The following PCDHGA3 variants were observed in gnomAD, a reference collection of about 807,000 sequenced individuals.
PCDHGA3 encodes the protein protocadherin gamma subfamily A, 3.
PCDHGA3 carries 40 observed loss-of-function variants against 58.5 expected under a neutral mutation model. The ratio of observed to expected loss-of-function variants is 0.68; its 90% CI spans 0.53 to 0.89. The LOEUF (loss-of-function observed/expected upper bound fraction) is 0.89. PCDHGA3 is among the 40% of genes least tolerant of loss of function. The pLI, the probability that PCDHGA3 is intolerant of heterozygous loss-of-function variation, is 0.00. For missense variants in PCDHGA3, 1,223 were observed against 1,195.9 expected, an observed-to-expected ratio of 1.02 and a Z score of -0.33; for synonymous variants, 530 against 525.7, an observed-to-expected ratio of 1.01 and a Z score of -0.11.
chr5:141,352,902 C>G (rs1561504413), intron 1 of PCDHGA3, among the ~76,000 whole-genome samples: 1 of 152,122 alleles, frequency 6.6e-6, no homozygotes, highest in Non-Finnish European at 1.5e-5. Flanking sequence ...ACAGGAGGAT[C>G]GCTTGAGCCC....
intron 1 of PCDHGA3, chr5:141,409,251 C>T (rs2095247124): frequency 6.2e-7 from 1 of 1,613,922 alleles, no homozygotes; most frequent in Non-Finnish European, 8.5e-7. Context: ...ATAATCATCA[C>T]TTCTCTCTCT....
At chr5:141,357,844 T>G (rs1760744896) in intron 1 of PCDHGA3, 1 of 624,618 alleles carries the variant, frequency 1.6e-6, no homozygotes, top group Non-Finnish European at 2.7e-6. Flanking sequence ...CAGTTGTAGT[T>G]TCAGCCAGAA....
In PCDHGA3 at chr5:141,380,448, A is replaced by G. The variant is rs145941690; in HGVS notation, c.2424+33991A>G. Among the ~76,000 whole-genome samples, 6 of 152,354 alleles carry G rather than the reference A, an allele frequency of 3.9e-5. No homozygotes were observed. The East Asian group carries it at 1.2e-3, about 29-fold the overall frequency. ...TAGACTTTACATAGAATTCTTTTTA[A>G]TGCAACCAAACAAATGGTCAGGATT... On this transcript the variant is annotated intron_variant, in intron 1 of 3. Coordinates refer to ENST00000253812, the MANE Select transcript of PCDHGA3 (RefSeq NM_018916.4).
intron 1 of PCDHGA3, chr5:141,392,652 A>T: frequency 1.4e-6 from 1 of 713,126 alleles, no homozygotes; most frequent in South Asian, 2.2e-5. Flanking sequence ...GAAGACCCGC[A>T]GATGCCACAA....
chr5:141,490,374 C>T lies in PCDHGA3; in HGVS notation c.2425-4433C>T, dbSNP rs1452417604. 1.2e-6 allele frequency: 2 copies of T among 1,614,082 alleles called. No homozygotes were observed. Among genetic ancestry groups the T allele is most frequent in the Middle Eastern group, 1.6e-4 (1 of 6,084 alleles). ...GGTTGTTTAATGTGCGAGACCGGGA[C>T]TCAGGTAGAAATGGTGAAGTGAGCC... On this transcript the variant is annotated intron_variant, in intron 1 of 3. Coordinates refer to ENST00000253812, the MANE Select transcript of PCDHGA3 (RefSeq NM_018916.4). This position sits in a 1 kb window ranked among gnomAD's most constrained non-coding sequence, Gnocchi z 5.4.
At chr5:141,375,949 C>T (rs759212599) in intron 1 of PCDHGA3, 36 of 1,613,450 alleles carry the variant, frequency 2.2e-5, no homozygotes, top group African/African-American at 2.7e-5. Flanking sequence ...TGGGCCTGCA[C>T]ACGGGCGAGG....
At chr5:141,435,052 T>C (rs922871138) in intron 1 of PCDHGA3, among the ~76,000 whole-genome samples, 1 of 152,174 alleles carries the variant, frequency 6.6e-6, no homozygotes, top group African/African-American at 2.4e-5. Context: ...CCATTGACCA[T>C]GCAGCAGTTT....
intron 1 of PCDHGA3, among the ~76,000 whole-genome samples, chr5:141,480,290 C>T (rs1053173416): frequency 2.2e-5 from 3 of 134,088 alleles, no homozygotes; most frequent in Non-Finnish European, 4.7e-5. Flanking sequence ...TGGCATGCAC[C>T]TGTGGTACCA....
At chr5:141,419,668 G>A (rs752237614) in intron 1 of PCDHGA3, 1 of 1,612,892 alleles carries the variant, frequency 6.2e-7, no homozygotes, top group East Asian at 2.2e-5. Context: ...ACAATGCCTG[G>A]CTGTCCTACC....
chr5:141,380,114 G>T (rs1776224365), intron 1 of PCDHGA3, among the ~76,000 whole-genome samples: 1 of 151,828 alleles, frequency 6.6e-6, no homozygotes, highest in Non-Finnish European at 1.5e-5. Context: ...TGGCCAGGCT[G>T]GTCTCAAACT....
intron 1 of PCDHGA3, chr5:141,376,292 G>T: frequency 6.2e-7 from 1 of 1,614,156 alleles, no homozygotes; most frequent in Non-Finnish European, 8.5e-7. Flanking sequence ...GAGCATGCCC[G>T]GCTCGCACTT....
intron 1 of PCDHGA3, among the ~76,000 whole-genome samples, chr5:141,358,782 T>C (rs1761019410): frequency 6.6e-6 from 1 of 152,248 alleles, no homozygotes; most frequent in Non-Finnish European, 1.5e-5. Flanking sequence ...AAGGTTGAGT[T>C]ACTTGGGTTC....
chr5:141,431,016 C>T lies in PCDHGA3; in HGVS notation c.2425-63791C>T, dbSNP rs755015257. Reference sequence around the variant, plus strand: ...AATCCGCGCAGCGGCAGCTTGGTCACGGCGGGCAGGATAGACCGGGAGGAG... The same window carrying T: ...AATCCGCGCAGCGGCAGCTTGGTCATGGCGGGCAGGATAGACCGGGAGGAG... On this transcript the variant is annotated intron_variant, in intron 1 of 3. Transcript: ENST00000253812. This position sits in a 1 kb window ranked among gnomAD's most constrained non-coding sequence, Gnocchi z 4.8. 3 of 1,613,456 alleles carry T rather than the reference C, an allele frequency of 1.9e-6. No individual in the cohort carries two copies. The highest frequency in any genetic ancestry group is 2.2e-5 in the South Asian group (2 of 91,058).
Position 141,429,387 on chromosome 5 carries a change from TAAA to T in PCDHGA3, c.2425-65414_2425-65412del, listed in dbSNP as rs11410533. Among the ~76,000 whole-genome samples, 27 of 151,446 alleles carry T rather than the reference TAAA, an allele frequency of 1.8e-4. No homozygotes were observed. In the East Asian group the frequency reaches 1.9e-3, roughly 11 times the overall value. ...AAATGGAGAAAATGTGTTTTTTTTTTAAAAAAAATTGAGATTAAGGTCTCATTA... is the reference window on the plus strand; with the variant it reads ...AAATGGAGAAAATGTGTTTTTTTTTTAAAAATTGAGATTAAGGTCTCATTA... On this transcript the variant is annotated intron_variant, in intron 1 of 3. Coordinates refer to ENST00000253812, the MANE Select transcript of PCDHGA3 (RefSeq NM_018916.4).
chr5:141,497,825 C>T (rs1015168533), intron 2 of PCDHGA3, among the ~76,000 whole-genome samples: 3 of 152,154 alleles, frequency 2.0e-5, no homozygotes, highest in Admixed American at 6.5e-5. Context: ...CAGGTGTGAT[C>T]GCCCCCGGCC....
In PCDHGA3 at chr5:141,464,280, A is replaced by C. The variant is rs934753450; in HGVS notation, c.2425-30527A>C. Among the ~76,000 whole-genome samples, 148 of 75,930 alleles carry C rather than the reference A, an allele frequency of 1.9e-3. 1 individual carries two copies. Among genetic ancestry groups the C allele is most frequent in the African/African-American group, 0.011 (146 of 12,968 alleles). 49.8% of individuals were successfully genotyped at this position (75,930 alleles called of 152,430 possible). Reference sequence around the variant, plus strand: ...ACTCCGTCTAAAAAAAAAAAAAAGCAAAAAAAAAAACTCCATTGTATGTGC... The same window carrying C: ...ACTCCGTCTAAAAAAAAAAAAAAGCCAAAAAAAAAACTCCATTGTATGTGC... On this transcript the variant is annotated intron_variant, in intron 1 of 3. Transcript: ENST00000253812.
chr5:141,354,311 A>G (rs10214288), intron 1 of PCDHGA3, among the ~76,000 whole-genome samples: 21,563 of 152,160 alleles, frequency 0.14, 2,133 homozygotes, highest in African/African-American at 0.29. Context: ...TTTCATAAAA[A>G]TTACTACTCT....
intron 1 of PCDHGA3, chr5:141,423,279 C>T: frequency 1.9e-6 from 3 of 1,614,032 alleles, no homozygotes; most frequent in Non-Finnish European, 2.5e-6. Flanking sequence ...CTCTGGCTAA[C>T]TCTGAAACCT....
At position 141,345,576 on chromosome 5, in the gene PCDHGA3, T is replaced by A. The variant is rs371348135; in HGVS notation, c.1543T>A (p.Tyr515Asn). Residue 515 changes from tyrosine to asparagine, a missense_variant, in exon 1 of 4, where the codon TAC becomes AAC. Around this residue, in one of 3 missense-constraint regions of PCDHGA3, gnomAD observed 791 missense variants for 708.5 expected, o/e 1.12. Transcript: ENST00000253812. ...TATCAACTCCAACACTGGCGTCCTATACGCGCTGAGATCCTTCGACTACGA... is the reference window on the plus strand; with the variant it reads ...TATCAACTCCAACACTGGCGTCCTAAACGCGCTGAGATCCTTCGACTACGA... ...VSINSNTGVL[Y>N]ALRSFDYEQF... 208 of 1,614,068 alleles carry A rather than the reference T, an allele frequency of 1.3e-4. No homozygotes were observed. The highest frequency in any genetic ancestry group is 1.6e-4 in the Non-Finnish European group (192 of 1,180,044).
Sources: gnomAD v4.1 joint callset for allele counts (sites outside exome capture counted in the v4.1 genomes callset) on GRCh38, gnomAD v4.1.1 for gene constraint, gnomAD v4.1.1 regional missense constraint, Gnocchi (gnomAD v3.1) non-coding constraint, MANE v1.5 for transcripts, NCBI Gene and HGNC (gene_info 2026-07-23, HGNC 2026-07-21) for gene names.